CSMD3: variants seen among roughly 807,000 people sequenced by gnomAD.
The protein encoded by CSMD3 is CUB and sushi domain-containing protein 3.
CSMD3 carries 177 observed loss-of-function variants against 435.2 expected under a neutral mutation model. The observed-to-expected ratio is 0.41, with a 90% CI of 0.36 to 0.46. The LOEUF is 0.46. Ranked by LOEUF, CSMD3 falls within the 20% of genes least tolerant of loss-of-function variation. The pLI, the probability that CSMD3 is intolerant of heterozygous loss-of-function variation, is 0.34. For missense variants in CSMD3, 4,265 were observed against 4,504.6 expected (o/e 0.95, Z 1.52); for synonymous variants, 1,656 against 1,520.5 (o/e 1.09, Z -2.07).
In CSMD3 at chr8:112,800,185, A is replaced by T. The variant is rs2132329372; in HGVS notation, c.1949T>A (p.Val650Asp). Residue 650 changes from valine (V) to aspartate (D), a missense_variant, in exon 13 of 71, where the codon GTT (valine) becomes GAT (aspartate). Transcript: ENST00000297405. ...ACCTTTGTAGTTAACCTTGAAACCA[A>T]CAGATCCAACACTTTCGTCCGTTTG... is the stretch of plus-strand genomic sequence containing the variant. Reference protein sequence around the residue: ...HLQTDESVGSVGFKVNYKEIE... With the variant: ...HLQTDESVGSDGFKVNYKEIE... The T allele has an allele frequency of 6.2e-7, 1 of 1,611,478 alleles. No homozygotes were observed. The highest frequency in any genetic ancestry group is 1.1e-5 in the South Asian group (1 of 91,044).
rs188961114 is a variant in CSMD3, at chr8:113,123,626, C to A, written c.710-24663G>T. Among the ~76,000 whole-genome samples the A allele has an allele frequency of 4.5e-3, 681 of 152,144 alleles. 2 individuals are homozygous for A. The highest frequency in any genetic ancestry group is 7.1e-3 in the Non-Finnish European group (481 of 67,962). ...TCTAACTTTCACTTTTCTTGCTCTC[C>A]TGAATATCCACCTGTAAACCAGTGG... On this transcript the variant is annotated intron_variant, in intron 4 of 70. Coordinates refer to ENST00000297405, the MANE Select transcript of CSMD3 (RefSeq NM_198123.2).
At chr8:112,592,458 T>C (rs1831275142) in intron 22 of CSMD3, among the ~76,000 whole-genome samples, 2 of 152,052 alleles carry the variant, frequency 1.3e-5, no homozygotes, top group African/African-American at 2.4e-5. Flanking sequence ...TTAAACATTT[T>C]TTGAAGAATT....
chr8:112,570,632 CTATT>C (rs199692153), intron 24 of CSMD3, among the ~76,000 whole-genome samples: 5,007 of 152,206 alleles, frequency 0.033, 125 homozygotes, highest in Middle Eastern at 0.12. Flanking sequence ...CTGTGGGTAA[CTATT>C]TAGATAGTTG....
At chr8:112,980,220 TA>T (rs2084999760) in intron 6 of CSMD3, among the ~76,000 whole-genome samples, 1 of 150,816 alleles carries the variant, frequency 6.6e-6, no homozygotes, top group Non-Finnish European at 1.5e-5. Context: ...AATTATTCTC[TA>T]ACTCATTACC....
At chr8:112,921,074 C>T (rs531430058) in intron 10 of CSMD3, among the ~76,000 whole-genome samples, 4,813 of 147,732 alleles carry the variant, frequency 0.033, 141 homozygotes, top group Middle Eastern at 0.053. Context: ...GATATATATA[C>T]ATATGTATAT....
intron 1 of CSMD3, among the ~76,000 whole-genome samples, chr8:113,388,503 C>A (rs1470127210): frequency 6.6e-6 from 1 of 151,480 alleles, no homozygotes; most frequent in Non-Finnish European, 1.5e-5. Context: ...CTTTTTTAGC[C>A]ATTTGATTGA....
At chr8:113,282,455 T>A (rs1175685886) in intron 2 of CSMD3, among the ~76,000 whole-genome samples, 3 of 151,772 alleles carry the variant, frequency 2.0e-5, no homozygotes, top group Non-Finnish European at 4.4e-5. Context: ...AAGTGGAGAA[T>A]CAAATCAAGA....
At chr8:112,826,247 C>CT (rs2079676948) in intron 12 of CSMD3, among the ~76,000 whole-genome samples, 1 of 152,172 alleles carries the variant, frequency 6.6e-6, no homozygotes. Context: ...TTCCCCTGCC[C>CT]TGGGAGCTTA....
chr8:112,261,049 T>C (rs1223034614), intron 61 of CSMD3, among the ~76,000 whole-genome samples: 1 of 152,104 alleles, frequency 6.6e-6, no homozygotes, highest in Non-Finnish European at 1.5e-5. Context: ...AATAATAAGT[T>C]AGTTTTATCT....
At chr8:113,306,769 T>C (rs2093824853) in intron 2 of CSMD3, among the ~76,000 whole-genome samples, 2 of 152,172 alleles carry the variant, frequency 1.3e-5, no homozygotes, top group South Asian at 4.1e-4. Context: ...CTACTTGTTA[T>C]ATGTTAATTA....
At chr8:113,268,798 C>T (rs2093494044) in intron 3 of CSMD3, among the ~76,000 whole-genome samples, 1 of 152,020 alleles carries the variant, frequency 6.6e-6, no homozygotes. Context: ...TTCTATGCCA[C>T]TAATGGAAAA....
intron 12 of CSMD3, among the ~76,000 whole-genome samples, chr8:112,810,176 G>A (rs1409006181): frequency 6.6e-6 from 1 of 152,074 alleles, no homozygotes; most frequent in African/African-American, 2.4e-5. Context: ...ACAAGAATAG[G>A]TATGATCTGC....
At position 113,120,127 on chromosome 8, in the gene CSMD3, C is replaced by T. The variant is rs192982116; in HGVS notation, c.710-21164G>A. On this transcript the variant is annotated intron_variant, in intron 4 of 70. Coordinates refer to ENST00000297405, the MANE Select transcript of CSMD3 (RefSeq NM_198123.2). ...ATATATACACATACTCCAAAAAAGTCTAAGAAATGAGGTTATAATGAATTC... is the reference window on the plus strand; with the variant it reads ...ATATATACACATACTCCAAAAAAGTTTAAGAAATGAGGTTATAATGAATTC... Among the ~76,000 whole-genome samples the T allele has an allele frequency of 6.2e-4, 94 of 151,944 alleles. 1 individual carries two copies. The highest frequency in any genetic ancestry group is 2.2e-3 in the African/African-American group (92 of 41,482).
intron 11 of CSMD3, among the ~76,000 whole-genome samples, chr8:112,842,738 A>G (rs1223722905): frequency 6.6e-6 from 1 of 151,846 alleles, no homozygotes; most frequent in Non-Finnish European, 1.5e-5. Flanking sequence ...GTGTATTAGT[A>G]TATGAGGAAT....
intron 2 of CSMD3, among the ~76,000 whole-genome samples, chr8:113,294,203 C>T (rs778669081): frequency 6.6e-6 from 1 of 151,828 alleles, no homozygotes; most frequent in African/African-American, 2.4e-5. Context: ...TTCAAGGATG[C>T]TTTTAAAATT....
chr8:112,793,950 A>T (rs989743862), intron 13 of CSMD3, among the ~76,000 whole-genome samples: 45 of 152,254 alleles, frequency 3.0e-4, no homozygotes, highest in African/African-American at 1.1e-3. Flanking sequence ...GACATAACAA[A>T]TGTGTTTATC....
chr8:113,204,217 T>G (rs575281103), intron 3 of CSMD3, among the ~76,000 whole-genome samples: 2 of 152,248 alleles, frequency 1.3e-5, no homozygotes, highest in South Asian at 4.1e-4. Context: ...TTAGAGGAAA[T>G]TAGTGCCCTA....
At chr8:112,366,676 G>A (rs148812896) in intron 38 of CSMD3, among the ~76,000 whole-genome samples, 5,766 of 152,220 alleles carry the variant, frequency 0.038, 360 homozygotes, top group African/African-American at 0.13. Flanking sequence ...GGGATTACAG[G>A]TGTGAGCCAC....
chr8:113,233,169 G>A (rs1180924377), intron 3 of CSMD3, among the ~76,000 whole-genome samples: 4 of 151,556 alleles, frequency 2.6e-5, no homozygotes, highest in Non-Finnish European at 4.4e-5. Context: ...GGTTTGAATT[G>A]AAATTATTTC....
Sources: allele counts gnomAD v4.1 joint callset (sites outside exome capture counted in the v4.1 genomes callset), GRCh38; gene constraint gnomAD v4.1.1; transcripts MANE v1.5; gene names NCBI Gene and HGNC (gene_info 2026-07-23, HGNC 2026-07-21).